PRKAA1: variants seen among roughly 807,000 people sequenced by gnomAD.
PRKAA1 encodes 5'-AMP-activated protein kinase catalytic subunit alpha-1.
In PRKAA1, 23 loss-of-function variants were observed where a neutral mutation model predicts 56.9. The ratio of observed to expected loss-of-function variants is 0.40; its 90% confidence interval spans 0.29 to 0.57. PRKAA1 has a LOEUF of 0.57. PRKAA1 is among the 20% of genes least tolerant of loss of function. The pLI is 0.39. For missense variants in PRKAA1, 413 were observed against 679.7 expected (o/e 0.61, Z 4.36); for synonymous variants, 226 against 227.0 (o/e 1.00, Z 0.04).
rs1579703271 is a variant in PRKAA1 at position 40,760,720 on chromosome 5, A to T, written c.*2058T>A. 6.5e-6 allele frequency: 1 copy of T among 152,738 alleles called. No homozygotes were observed. The highest frequency in any genetic ancestry group is 1.9e-4 in the East Asian group (1 of 5,338). 9.5% of individuals were successfully genotyped at this position (152,738 alleles called of 1,614,324 possible). A position where few individuals can be genotyped will look rare whatever the true frequency, so the allele number is the denominator to read the frequency against. On this transcript the variant is annotated 3_prime_UTR_variant, in exon 9 of 9. Coordinates refer to ENST00000397128, the MANE Select transcript of PRKAA1 (RefSeq NM_006251.6). Reference sequence around the variant, plus strand: ...TTTGAATTCAGTGCATGATTCTAGAAGTGCTTGAGTCAAATCTACTAGAGT... The same window carrying T: ...TTTGAATTCAGTGCATGATTCTAGATGTGCTTGAGTCAAATCTACTAGAGT...
intron 1 of PRKAA1, among the ~76,000 whole-genome samples, chr5:40,793,759 T>C (rs1291823479): frequency 1.3e-5 from 2 of 152,078 alleles, no homozygotes; most frequent in Non-Finnish European, 2.9e-5. Flanking sequence ...CAACATCCAT[T>C]TATGTGTAGG....
intron 1 of PRKAA1, among the ~76,000 whole-genome samples, chr5:40,788,531 A>C (rs1369687574): frequency 6.6e-6 from 1 of 152,168 alleles, no homozygotes; most frequent in African/African-American, 2.4e-5. Context: ...TCAAACTAAA[A>C]AGCTTCTGAA....
intron 1 of PRKAA1, among the ~76,000 whole-genome samples, chr5:40,786,184 G>A (rs1346824059): frequency 6.6e-6 from 1 of 151,836 alleles, no homozygotes; most frequent in African/African-American, 2.4e-5. Flanking sequence ...GAACCCAGGA[G>A]GCGGAGGTTG....
rs748233997 is a variant in PRKAA1 at position 40,798,094 on chromosome 5, C to T, written c.96G>A (p.Thr32=). 1.9e-6 allele frequency: 3 copies of T among 1,607,562 alleles called. No homozygotes were observed. Among genetic ancestry groups the T allele is most frequent in the Non-Finnish European group, 2.6e-6 (3 of 1,176,234 alleles). ...CTTTGCCGAAGGTGCCGACCCCCAG[C>T]GTGTCACCCAGAATGTAGTGGCCGA... The part of the protein sequence containing the change: ...VKIGHYILGD[T]LGVGTFGKVK... Residue 32 remains threonine, a synonymous_variant, in exon 1 of 9, where the codon ACG becomes ACA. Coordinates refer to ENST00000397128, the MANE Select transcript of PRKAA1 (RefSeq NM_006251.6).
Position 40,775,431 on chromosome 5 carries a change from A to C in PRKAA1, c.342T>G (p.Asp114Glu), listed in dbSNP as rs747608675. 4.4e-6 allele frequency: 7 copies of C among 1,602,264 alleles called. No individual in the cohort carries two copies. The South Asian group carries it at 7.7e-5, about 18-fold the overall frequency. ...MEYVSGGELF[D>E]YICKNGRLDE... ...TTACCCTTCCATTCTTACAGATATA[A>C]TCAAATAGCTCTCCTCCTGAGACAT... is the stretch of plus-strand genomic sequence containing the variant. Residue 114 changes from aspartate (D) to glutamate (E), a missense_variant, in exon 3 of 9, where the codon GAT becomes GAG. This residue lies in a region of PRKAA1 where 29 missense variants were observed against 44.2 expected (regional missense o/e 0.66). Coordinates refer to ENST00000397128, the MANE Select transcript of PRKAA1 (RefSeq NM_006251.6).
intron 1 of PRKAA1, 135 bp downstream of exon 1, chr5:40,797,928 C>A: frequency 7.0e-7 from 1 of 1,433,022 alleles, no homozygotes; most frequent in Non-Finnish European, 9.3e-7. Flanking sequence ...GGAGAGCTCC[C>A]GCAGGATCCG....
At chr5:40,793,707 G>T (rs1744808483) in intron 1 of PRKAA1, among the ~76,000 whole-genome samples, 1 of 152,128 alleles carries the variant, frequency 6.6e-6, no homozygotes, top group Non-Finnish European at 1.5e-5. Context: ...GGCCATTTCT[G>T]TGTGTTCACT....
chr5:40,774,553 T>C (rs1329112743), intron 3 of PRKAA1, among the ~76,000 whole-genome samples: 5 of 148,274 alleles, frequency 3.4e-5, no homozygotes, highest in Non-Finnish European at 4.5e-5. Context: ...GGCAGAATTT[T>C]TTTTTTTTTT....
intron 8 of PRKAA1, among the ~76,000 whole-genome samples, chr5:40,764,003 G>C (rs1422773627): frequency 1.3e-5 from 2 of 152,040 alleles, no homozygotes; most frequent in Non-Finnish European, 2.9e-5. Context: ...TCAAATTCCT[G>C]GGCTCAAGCC....
chr5:40,774,339 T>C (rs765711087), intron 3 of PRKAA1, among the ~76,000 whole-genome samples: 2 of 152,186 alleles, frequency 1.3e-5, no homozygotes, highest in Non-Finnish European at 2.9e-5. Flanking sequence ...TAGGTTATTA[T>C]ATCTGTGAGG....
chr5:40,792,450 G>A (rs1264464551), intron 1 of PRKAA1, among the ~76,000 whole-genome samples: 4 of 152,104 alleles, frequency 2.6e-5, no homozygotes, highest in Non-Finnish European at 4.4e-5. Flanking sequence ...ATAATTCCTA[G>A]AAGTTGAATT....
At chr5:40,772,193 G>A (rs1244576148) in intron 3 of PRKAA1, among the ~76,000 whole-genome samples, 1 of 151,914 alleles carries the variant, frequency 6.6e-6, no homozygotes, top group Non-Finnish European at 1.5e-5. Flanking sequence ...TTTTATAAGC[G>A]GCAAATGTTT....
At chr5:40,767,245 T>A (rs757446856) in intron 6 of PRKAA1, among the ~76,000 whole-genome samples, 1 of 152,170 alleles carries the variant, frequency 6.6e-6, no homozygotes, top group African/African-American at 2.4e-5. Context: ...GATGTGTAAG[T>A]AAAAAGTGAA....
chr5:40,774,934 C>T lies in PRKAA1; in HGVS notation c.363+476G>A, dbSNP rs561669913. The T allele has an allele frequency of 2.0e-5, 32 of 1,600,074 alleles. No homozygotes were observed. In the East Asian group the frequency reaches 5.8e-4, roughly 29 times the overall value. On this transcript the variant is annotated intron_variant, in intron 3 of 8. Transcript: ENST00000397128. ...CTTTATATCTAATTCCTACCTCCTT[C>T]GTGGAGCCTGTTTTTACTACTCCAG...
intron 1 of PRKAA1, among the ~76,000 whole-genome samples, chr5:40,780,895 C>T (rs1321638973): frequency 4.6e-5 from 7 of 152,142 alleles, no homozygotes; most frequent in Non-Finnish European, 8.8e-5. Flanking sequence ...TAACAAGTTT[C>T]TAGGTATTTC....
chr5:40,760,755 T>G lies in PRKAA1; in HGVS notation c.*2023A>C, dbSNP rs922285616. 14 of 152,744 alleles carry G rather than the reference T, an allele frequency of 9.2e-5. No individual in the cohort carries two copies. Among genetic ancestry groups the G allele is most frequent in the Admixed American group, 9.2e-4 (14 of 15,280 alleles). 9.5% of individuals were successfully genotyped at this position (152,744 alleles called of 1,614,324 possible). On this transcript the variant is annotated 3_prime_UTR_variant, in exon 9 of 9. Transcript: ENST00000397128. ...TCAAATCTACTAGAGTCACCATTTA[T>G]GCAAGCTATCATGACATTTGAGTTC...
intron 6 of PRKAA1, 109 bp downstream of exon 6, chr5:40,767,357 A>T: frequency 1.2e-6 from 1 of 855,596 alleles, no homozygotes; most frequent in Non-Finnish European, 1.8e-6. Context: ...TATTTTTTTC[A>T]CATAAAAACA....
chr5:40,796,042 C>G (rs921869774), intron 1 of PRKAA1, among the ~76,000 whole-genome samples: 1 of 152,208 alleles, frequency 6.6e-6, no homozygotes, highest in South Asian at 2.1e-4. Context: ...CCTGGCCGGG[C>G]ACAGTGGCTC....
intron 4 of PRKAA1, 85 bp from the exon 5 acceptor site, chr5:40,769,588 T>C (rs1743625410): frequency 9.1e-7 from 1 of 1,095,346 alleles, no homozygotes. Flanking sequence ...TGAGTTTGCA[T>C]TAAAATGATA....
Sources: allele counts gnomAD v4.1 joint callset (sites outside exome capture counted in the v4.1 genomes callset), GRCh38; gene constraint gnomAD v4.1.1; regional missense constraint gnomAD v4.1.1; transcripts MANE v1.5; gene names NCBI Gene and HGNC (gene_info 2026-07-23, HGNC 2026-07-21).